Variants in CUL5 observed in about 807,000 individuals in gnomAD.
CUL5 encodes the protein cullin 5, also known as cullin-5.
In CUL5, 26 loss-of-function variants were observed where a neutral mutation model predicts 108.8. The ratio of observed to expected loss-of-function variants is 0.24; its 90% confidence interval spans 0.18 to 0.33. The LOEUF (loss-of-function observed/expected upper bound fraction) is 0.33. Among genes scored for constraint, CUL5 ranks in the 10% least tolerant of loss-of-function variants. The probability of loss-of-function intolerance (pLI) is 1.00; values close to 1 mark genes in which losing one functional copy is unlikely to be tolerated. For missense variants in CUL5, 524 were observed against 909.2 expected (o/e 0.58, Z 5.45); for synonymous variants, 334 against 298.0 (o/e 1.12, Z -1.25).
intron 7 of CUL5, among the ~76,000 whole-genome samples, chr11:108,066,261 G>A (rs1041678106): frequency 1.3e-5 from 2 of 151,988 alleles, no homozygotes; most frequent in Admixed American, 1.3e-4. Flanking sequence ...GAGAAATGGT[G>A]TGAACCCAGG....
chr11:108,081,193 CAGG>C (rs1402636924), intron 11 of CUL5, among the ~76,000 whole-genome samples: 6 of 151,760 alleles, frequency 4.0e-5, no homozygotes, highest in African/African-American at 7.3e-5. Context: ...GAGGCTGAGA[CAGG>C]AGAATCGTCA....
chr11:108,091,695 T>TCTCACACACA (rs1555024093), intron 13 of CUL5, among the ~76,000 whole-genome samples: 3 of 138,098 alleles, frequency 2.2e-5, no homozygotes, highest in South Asian at 4.8e-4. Flanking sequence ...TCTCTCTCAC[T>TCTCACACACA]CACACACACA....
chr11:108,038,296 C>T (rs1161612349), intron 2 of CUL5, among the ~76,000 whole-genome samples: 1 of 152,088 alleles, frequency 6.6e-6, no homozygotes, highest in African/African-American at 2.4e-5. Context: ...GTACTCCTGA[C>T]TTAGAAAAGG....
chr11:108,016,804 AAAC>A (rs1028955888), intron 1 of CUL5, among the ~76,000 whole-genome samples: 2 of 152,210 alleles, frequency 1.3e-5, no homozygotes, highest in African/African-American at 4.8e-5. Context: ...AAACAAAAAA[AAAC>A]AAACAAAAAG....
intron 11 of CUL5, among the ~76,000 whole-genome samples, chr11:108,080,939 C>A (rs1355275719): frequency 6.6e-6 from 1 of 150,662 alleles, no homozygotes; most frequent in African/African-American, 2.4e-5. Flanking sequence ...ATATTTAGAT[C>A]ATGAAGATTT....
rs1199032063 is a variant in CUL5 at position 108,105,069 on chromosome 11, T to C, written c.*685T>C. 1 of 141,732 alleles carries C rather than the reference T, an allele frequency of 7.1e-6. No individual in the cohort carries two copies. Among genetic ancestry groups the C allele is most frequent in the Admixed American group, 7.1e-5 (1 of 14,074 alleles). 8.8% of individuals were successfully genotyped at this position (141,732 alleles called of 1,614,324 possible). A position where few individuals can be genotyped will look rare whatever the true frequency, so the allele number is the denominator to read the frequency against. On this transcript the variant is annotated 3_prime_UTR_variant, in exon 19 of 19. Transcript: ENST00000393094. ...TTAGTTGTTGTTAAATGATGAGGAG[T>C]TTTTTTTTTTTTAAATATGGCTGGA...
chr11:108,078,808 TTGAAAAATAC>T (rs917981188), intron 11 of CUL5, among the ~76,000 whole-genome samples: 3 of 152,150 alleles, frequency 2.0e-5, no homozygotes, highest in Non-Finnish European at 4.4e-5. Flanking sequence ...GCTAAAATAT[TTGAAAAATAC>T]TGAAAAATAA....
chr11:108,044,298 T>C (rs1047186104), intron 2 of CUL5, among the ~76,000 whole-genome samples: 5 of 151,986 alleles, frequency 3.3e-5, no homozygotes, highest in African/African-American at 1.2e-4. Flanking sequence ...GGTGGATCAC[T>C]TGAGTTCAGG....
At chr11:108,089,759 G>C (rs1386136982) in intron 13 of CUL5, 136 bp downstream of exon 13, 4 of 516,634 alleles carry the variant, frequency 7.7e-6, no homozygotes, top group Non-Finnish European at 1.2e-5. Context: ...CGTCAGTTAG[G>C]CCGGGCGCAC....
chr11:108,072,846 C>T (rs964677722), intron 9 of CUL5, among the ~76,000 whole-genome samples: 1 of 151,852 alleles, frequency 6.6e-6, no homozygotes, highest in African/African-American at 2.4e-5. Context: ...CAAATAAAAA[C>T]ATTAAATTTT....
At chr11:108,033,644 C>T (rs1029413315) in intron 1 of CUL5, among the ~76,000 whole-genome samples, 158 bp from the exon 2 acceptor site, 5 of 152,172 alleles carry the variant, frequency 3.3e-5, no homozygotes, top group African/African-American at 1.2e-4. Flanking sequence ...TCCTGTGATT[C>T]CTCAATAACG....
In CUL5 at chr11:108,062,210, C is replaced by T. The variant is rs569916425; in HGVS notation, c.780+7255C>T. On this transcript the variant is annotated intron_variant, in intron 7 of 18. Transcript: ENST00000393094. ...TATAAATAGTGCTTTCTGGAATATC[C>T]TTAAATACCTCTATCTTTTTAACAT... Among the ~76,000 whole-genome samples, 3 of 145,858 alleles carry T rather than the reference C, an allele frequency of 2.1e-5. No homozygotes were observed. In the East Asian group the frequency reaches 5.8e-4, roughly 28 times the overall value.
rs1431130469 is a variant in CUL5, at chr11:108,054,863, G to T, written c.700-12G>T. 13 of 1,604,626 alleles carry T rather than the reference G, an allele frequency of 8.1e-6. No homozygotes were observed. Among genetic ancestry groups the T allele is most frequent in the Non-Finnish European group, 1.1e-5 (13 of 1,177,384 alleles). ...ATATTCTTAAAATGATTGCTATTTTGCTTCTGGACAGGCAGATGCTAAATT... is the reference window on the plus strand; with the variant it reads ...ATATTCTTAAAATGATTGCTATTTTTCTTCTGGACAGGCAGATGCTAAATT... On this transcript the variant is annotated splice_polypyrimidine_tract_variant and intron_variant, in intron 6 of 18. Coordinates refer to ENST00000393094, the MANE Select transcript of CUL5 (RefSeq NM_003478.6).
At chr11:108,078,098 A>G (rs1863985986) in intron 10 of CUL5, 78 bp from the exon 11 acceptor site, 1 of 786,196 alleles carries the variant, frequency 1.3e-6, no homozygotes, top group Admixed American at 2.8e-5. Context: ...ACATATTTTT[A>G]TGTGTTTTGG....
At chr11:108,082,852 C>A (rs1261086285) in intron 11 of CUL5, among the ~76,000 whole-genome samples, 2 of 151,796 alleles carry the variant, frequency 1.3e-5, no homozygotes, top group Non-Finnish European at 2.9e-5. Flanking sequence ...GTCTTGAATT[C>A]CTGGGTTCAA....
At chr11:108,026,612 A>G (rs748863807) in intron 1 of CUL5, among the ~76,000 whole-genome samples, 14 of 152,120 alleles carry the variant, frequency 9.2e-5, no homozygotes, top group Non-Finnish European at 1.9e-4. Flanking sequence ...ATTCACTAGC[A>G]GTTTCTCTCC....
chr11:108,035,069 A>G (rs1003661588), intron 2 of CUL5, among the ~76,000 whole-genome samples: 5 of 152,162 alleles, frequency 3.3e-5, no homozygotes, highest in African/African-American at 7.2e-5. Context: ...GTGACAGGAA[A>G]GAGAGAACTA....
intron 2 of CUL5, among the ~76,000 whole-genome samples, chr11:108,043,329 C>T (rs1412082399): frequency 6.6e-6 from 1 of 152,210 alleles, no homozygotes; most frequent in African/African-American, 2.4e-5. Flanking sequence ...CTGCCTTGGC[C>T]TCCAAGAGTG....
intron 1 of CUL5, among the ~76,000 whole-genome samples, chr11:108,020,764 G>T (rs917699090): frequency 3.3e-5 from 5 of 152,166 alleles, no homozygotes; most frequent in African/African-American, 1.2e-4. Context: ...AAGTAAAAAA[G>T]TTACAATGAG....
Sources: gnomAD v4.1 joint callset for allele counts (sites outside exome capture counted in the v4.1 genomes callset) on GRCh38, gnomAD v4.1.1 for gene constraint, MANE v1.5 for transcripts, NCBI Gene and HGNC (gene_info 2026-07-23, HGNC 2026-07-21) for gene names.